Variants in UTY observed in about 807,000 individuals in gnomAD.
UTY encodes the protein histone demethylase UTY.
In UTY, 12 loss-of-function variants were observed where a neutral mutation model predicts 32.5. That is an observed-to-expected ratio of 0.37 (90% CI 0.24 to 0.60). UTY has a LOEUF of 0.60. UTY is among the 20% of genes least tolerant of loss of function. UTY has a pLI of 0.69. For missense variants in UTY, 303 were observed against 299.2 expected (o/e 1.01, Z -0.09); for synonymous variants, 131 against 103.4 (o/e 1.27, Z -1.62).
chrY:13,347,123 A>G, intron 17 of UTY, among the ~76,000 whole-genome samples: 1 of 33,217 alleles, frequency 3.0e-5, no homozygotes, highest in Non-Finnish European at 7.4e-5. Flanking sequence ...AAGTTGCTGC[A>G]AAATGTGACC....
rs769015729 is a variant in UTY at position 13,255,319 on chromosome Y, G to A, written c.4138-4132C>T. Among the ~76,000 whole-genome samples, 7 of 33,434 alleles carry A rather than the reference G, an allele frequency of 2.1e-4. No individual in the cohort carries two copies. In the East Asian group the frequency reaches 5.4e-3, roughly 26 times the overall value. The allele number at this position is 33,434 out of a possible 37,273, so 89.7% of individuals were successfully genotyped here. A position where few individuals can be genotyped will look rare whatever the true frequency, so the allele number is the denominator to read the frequency against. ...TTATGTCCCTGGTATGGGACTAGAA[G>A]AAAATTTGCAAGGTTTGAAAGAACC... On this transcript the variant is annotated intron_variant, in intron 28 of 29. Transcript: ENST00000545955.
intron 8 of UTY, among the ~76,000 whole-genome samples, chrY:13,376,439 A>AT: frequency 3.0e-5 from 1 of 33,654 alleles, no homozygotes; most frequent in South Asian, 6.6e-4. Flanking sequence ...AGAGATCCAC[A>AT]TTTTTTCTGC....
chrY:13,344,467 T>C (rs763959280), intron 17 of UTY, among the ~76,000 whole-genome samples: 1 of 34,100 alleles, frequency 2.9e-5, no homozygotes, highest in East Asian at 7.8e-4. Context: ...AAAACCTGCC[T>C]GTGGACTTTA....
chrY:13,387,823 A>C, intron 8 of UTY, among the ~76,000 whole-genome samples: 1 of 33,595 alleles, frequency 3.0e-5, no homozygotes, highest in Non-Finnish European at 7.4e-5. Context: ...CAACAATAAA[A>C]AATTTAATTT....
rs2060257045 is a variant in UTY, at chrY:13,326,373, T to C, written c.2835-23A>G. 3 of 377,689 alleles carry C rather than the reference T, an allele frequency of 7.9e-6. No homozygotes were observed. The African/African-American group carries it at 2.0e-4, about 25-fold the overall frequency. The allele number at this position is 377,689 out of a possible 400,897, so 94.2% of individuals were successfully genotyped here. A position where few individuals can be genotyped will look rare whatever the true frequency, so the allele number is the denominator to read the frequency against. On this transcript the variant is annotated intron_variant, in intron 18 of 29. Transcript: ENST00000545955. Reference sequence around the variant, plus strand: ...TTCCTTTAAAAAGAAGCAGAAGAAATGTATCAGTTACATATTTATTTTAAA... The same window carrying C: ...TTCCTTTAAAAAGAAGCAGAAGAAACGTATCAGTTACATATTTATTTTAAA...
chrY:13,379,897 GGTGTGTGTGTGT>G, intron 8 of UTY, among the ~76,000 whole-genome samples: 1 of 16,832 alleles, frequency 5.9e-5, no homozygotes, highest in African/African-American at 3.3e-4. Flanking sequence ...AACATTAAGG[GGTGTGTGTGTGT>G]GTGTGTGTGT....
intron 27 of UTY, among the ~76,000 whole-genome samples, chrY:13,296,485 C>A (rs933163736): frequency 2.9e-5 from 1 of 33,929 alleles, no homozygotes; most frequent in Non-Finnish European, 7.3e-5. Context: ...CCTGAAAATG[C>A]TCTTTCCTAT....
At position 13,302,937 on chromosome Y, in the gene UTY, T is replaced by C; in HGVS notation, c.3620A>G (p.Asp1207Gly). ...CSVNINIGPG[D>G]CEWFVVPEDY... ...TTCAGGTACAACAAACCATTCACAA[T>C]CTCCTGGACCAATATTTATGTTAAC... is the stretch of plus-strand genomic sequence containing the variant. The change falls in exon 25 of 30, where the codon GAT becomes GGT. Residue 1207 changes from aspartate to glycine, a missense_variant. Coordinates refer to ENST00000545955, the MANE Select transcript of UTY (RefSeq NM_001258249.2). The C allele has an allele frequency of 2.5e-6, 1 of 392,809 alleles. No individual in the cohort carries two copies. Among genetic ancestry groups the C allele is most frequent in the Non-Finnish European group, 3.6e-6 (1 of 280,517 alleles).
At chrY:13,258,400 T>C in intron 28 of UTY, among the ~76,000 whole-genome samples, 1 of 33,698 alleles carries the variant, frequency 3.0e-5, no homozygotes, top group African/African-American at 1.2e-4. Flanking sequence ...AAAGTTCCTA[T>C]TATCTGGAAC....
chrY:13,374,011 A>G, intron 8 of UTY, among the ~76,000 whole-genome samples: 2 of 33,701 alleles, frequency 5.9e-5, no homozygotes, highest in Admixed American at 2.7e-4. Flanking sequence ...TTTACTTTAG[A>G]TCTTTAAATT....
intron 5 of UTY, among the ~76,000 whole-genome samples, chrY:13,413,767 G>A: frequency 2.9e-5 from 1 of 34,661 alleles, no homozygotes; most frequent in Non-Finnish European, 7.3e-5. Context: ...CCAACCTGCC[G>A]GCACACCTGA....
chrY:13,357,156 A>G (rs2063016572), intron 15 of UTY, among the ~76,000 whole-genome samples: 2 of 33,095 alleles, frequency 6.0e-5, no homozygotes, highest in Non-Finnish European at 1.5e-4. Flanking sequence ...GTGTACCTAC[A>G]ATTCTATTTT....
chrY:13,379,502 A>G (rs2065751904), intron 8 of UTY, among the ~76,000 whole-genome samples: 1 of 32,418 alleles, frequency 3.1e-5, no homozygotes, highest in Non-Finnish European at 7.5e-5. Context: ...GGAAAATGAC[A>G]GACCAATGCA....
intron 8 of UTY, among the ~76,000 whole-genome samples, chrY:13,388,787 C>G: frequency 3.2e-5 from 1 of 31,654 alleles, no homozygotes; most frequent in Non-Finnish European, 7.7e-5. Flanking sequence ...GGGTGGTTTC[C>G]TCCATGCTGT....
intron 17 of UTY, among the ~76,000 whole-genome samples, chrY:13,343,451 C>T (rs2061638155): frequency 6.1e-5 from 2 of 32,983 alleles, no homozygotes; most frequent in Admixed American, 5.5e-4. Flanking sequence ...ACGCACACTG[C>T]TGCCAAAAGA....
At chrY:13,459,559 C>T (rs1045235300) in intron 3 of UTY, among the ~76,000 whole-genome samples, 19 of 33,587 alleles carry the variant, frequency 5.7e-4, no homozygotes, top group African/African-American at 1.9e-3. Flanking sequence ...AAGTCAAGTA[C>T]TGACCTATGG....
intron 6 of UTY, among the ~76,000 whole-genome samples, chrY:13,402,902 T>C: frequency 8.8e-5 from 3 of 33,901 alleles, no homozygotes; most frequent in Non-Finnish European, 1.5e-4. Flanking sequence ...ATGTGTACTA[T>C]TACAGCATTT....
intron 4 of UTY, among the ~76,000 whole-genome samples, chrY:13,434,313 G>A: frequency 6.0e-5 from 2 of 33,120 alleles, no homozygotes; most frequent in Admixed American, 2.7e-4. Flanking sequence ...ACAATTCTCC[G>A]GCCTCAGCCT....
At chrY:13,431,041 T>C in intron 4 of UTY, among the ~76,000 whole-genome samples, 1 of 32,223 alleles carries the variant, frequency 3.1e-5, no homozygotes, top group East Asian at 8.0e-4. Context: ...AAAAGACCAA[T>C]ACAAATAAAA....
Sources: gnomAD v4.1 joint callset for allele counts (sites outside exome capture counted in the v4.1 genomes callset) on GRCh38, gnomAD v4.1.1 for gene constraint, MANE v1.5 for transcripts, NCBI Gene and HGNC (gene_info 2026-07-23, HGNC 2026-07-21) for gene names.